Variants in SHISAL1 observed in about 807,000 individuals in gnomAD.
SHISAL1 encodes shisa like 1, also known as protein shisa-like-1.
A neutral mutation model predicts 22.6 loss-of-function variants in SHISAL1; 9 were observed. The observed-to-expected ratio is 0.40, with a 90% CI of 0.24 to 0.70. The LOEUF is 0.70. SHISAL1 is among the 30% of genes least tolerant of loss of function. The pLI, the probability that SHISAL1 is intolerant of heterozygous loss-of-function variation, is 0.39. For synonymous variants in SHISAL1, 119 were observed against 115.4 expected (o/e 1.03, Z -0.20); for missense variants, 246 against 270.6 (o/e 0.91, Z 0.64).
At position 44,305,857 on chromosome 22, in the gene SHISAL1, A is replaced by G. The variant is rs12170348; in HGVS notation, c.-32-4880T>C. Among the ~76,000 whole-genome samples the G allele has an allele frequency of 2.6e-3, 397 of 151,808 alleles. 3 individuals are homozygous for G. Among genetic ancestry groups the G allele is most frequent in the African/African-American group, 7.1e-3 (293 of 41,368 alleles). On this transcript the variant is annotated intron_variant, in intron 1 of 4. Coordinates refer to ENST00000381176, the MANE Select transcript of SHISAL1 (RefSeq NM_001099294.2). Reference sequence around the variant, plus strand: ...CAAAAGCCCCAGGGGCGTGTGGGGAACTCTGGATGAAGGGGTCTGGGGGAT... The same window carrying G: ...CAAAAGCCCCAGGGGCGTGTGGGGAGCTCTGGATGAAGGGGTCTGGGGGAT...
chr22:44,308,602 ACT>A (rs554210676), intron 1 of SHISAL1, among the ~76,000 whole-genome samples: 82 of 151,444 alleles, frequency 5.4e-4, no homozygotes, highest in African/African-American at 2.0e-3. Flanking sequence ...AGCTTCTGAC[ACT>A]CTGACTTCCC....
rs868386000 is a variant in SHISAL1, at chr22:44,297,935, A to G, written c.68-1050T>C. On this transcript the variant is annotated intron_variant, in intron 2 of 4. Transcript: ENST00000381176. ...GAGGTTATTAGACTGCAGCCCACAC[A>G]GCTCCCCACCTACCCACCCGGGGCT... 3.2e-4 allele frequency among the ~76,000 whole-genome samples: 48 copies of G among 152,330 alleles called. 2 individuals are homozygous for G. Among genetic ancestry groups the G allele is most frequent in the Middle Eastern group, 6.8e-3 (2 of 294 alleles).
At chr22:44,316,772 C>T (rs1234474195), upstream of SHISAL1, among the ~76,000 whole-genome samples, 2 of 152,214 alleles carry the variant, frequency 1.3e-5, no homozygotes, top group Middle Eastern at 3.2e-3. Flanking sequence ...CCAGCACCTG[C>T]AAGTCTGAGA....
At chr22:44,251,625 A>G (rs1373512571) in intron 4 of SHISAL1, among the ~76,000 whole-genome samples, 1 of 152,214 alleles carries the variant, frequency 6.6e-6, no homozygotes. Flanking sequence ...AAGGAGGAGC[A>G]AGTCACATCT....
chr22:44,254,090 C>T (rs937803659), intron 4 of SHISAL1, among the ~76,000 whole-genome samples: 3 of 151,910 alleles, frequency 2.0e-5, no homozygotes, highest in Middle Eastern at 3.2e-3. Context: ...AAAATAAAAA[C>T]TGCAGAATAT....
the SHISAL1 span, among the ~76,000 whole-genome samples, chr22:44,319,872 A>G: frequency 6.6e-6 from 1 of 152,098 alleles, no homozygotes; most frequent in African/African-American, 2.4e-5. Flanking sequence ...TCAGTGTGGG[A>G]GGCCCCTAAA....
intron 4 of SHISAL1, among the ~76,000 whole-genome samples, chr22:44,269,981 C>A (rs1424634594): frequency 1.3e-5 from 2 of 152,198 alleles, no homozygotes; most frequent in Non-Finnish European, 2.9e-5. Flanking sequence ...CTCCAACATC[C>A]AATTCCTTTG....
chr22:44,276,992 C>T (rs2055244511), intron 4 of SHISAL1, among the ~76,000 whole-genome samples: 1 of 152,152 alleles, frequency 6.6e-6, no homozygotes, highest in Non-Finnish European at 1.5e-5. Flanking sequence ...TCCCCTCAGC[C>T]CCTCCCTCCT....
chr22:44,327,246 A>ACG, the SHISAL1 span, among the ~76,000 whole-genome samples: 2 of 40,410 alleles, frequency 4.9e-5, no homozygotes, highest in Middle Eastern at 0.026. Flanking sequence ...GCGCGCACAC[A>ACG]CACACACACA....
chr22:44,296,059 G>T (rs748195614), intron 3 of SHISAL1, among the ~76,000 whole-genome samples: 2 of 152,212 alleles, frequency 1.3e-5, no homozygotes, highest in Non-Finnish European at 2.9e-5. Flanking sequence ...AGGCCCAGGC[G>T]CCTTCTACGC....
rs537956329 is a variant in SHISAL1 at position 44,307,730 on chromosome 22, A to C, written c.-33+5021T>G. Among the ~76,000 whole-genome samples the C allele has an allele frequency of 3.3e-5, 5 of 152,298 alleles. No homozygotes were observed. In the East Asian group the frequency reaches 9.7e-4, roughly 29 times the overall value. ...TCCGAGATTTGAAGGTTATTTTTAA[A>C]CACCGAACTTGGCGAGGCTGGGGAA... On this transcript the variant is annotated intron_variant, in intron 1 of 4. Transcript: ENST00000381176.
rs941533472 is a variant in SHISAL1, at chr22:44,259,932, A to G, written c.*-10247T>C. On this transcript the variant is annotated intron_variant, in intron 4 of 4. Coordinates refer to ENST00000381176, the MANE Select transcript of SHISAL1 (RefSeq NM_001099294.2). ...CTGCACTGCAAGCATATCTAACTACAGGTCGATTTGTTTAGAAATTCTCAG... is the reference window on the plus strand; with the variant it reads ...CTGCACTGCAAGCATATCTAACTACGGGTCGATTTGTTTAGAAATTCTCAG... 8.5e-5 allele frequency among the ~76,000 whole-genome samples: 13 copies of G among 152,314 alleles called. 1 individual carries two copies. The highest frequency in any genetic ancestry group is 4.6e-4 in the Admixed American group (7 of 15,300).
chr22:44,285,382 A>T (rs776273229), intron 4 of SHISAL1, 46 bp downstream of exon 4: 5 of 1,593,424 alleles, frequency 3.1e-6, no homozygotes, highest in Non-Finnish European at 4.3e-6. Flanking sequence ...AAGCTCTCCA[A>T]AGACAATGAC....
chr22:44,318,921 T>C, the SHISAL1 span, among the ~76,000 whole-genome samples: 1 of 152,248 alleles, frequency 6.6e-6, no homozygotes, highest in Non-Finnish European at 1.5e-5. Context: ...CTTCCCAGCA[T>C]GGGGCTCCCT....
chr22:44,264,003 C>T (rs2055144688), intron 4 of SHISAL1, among the ~76,000 whole-genome samples: 1 of 152,198 alleles, frequency 6.6e-6, no homozygotes, highest in Non-Finnish European at 1.5e-5. Context: ...TTCATAGCAG[C>T]TTTACTGATG....
At chr22:44,329,184 C>G in the SHISAL1 span, among the ~76,000 whole-genome samples, 1 of 152,176 alleles carries the variant, frequency 6.6e-6, no homozygotes, top group African/African-American at 2.4e-5. Flanking sequence ...CAAGGGTGAG[C>G]CGAGGCCCTT....
chr22:44,278,350 T>A (rs1351741801), intron 4 of SHISAL1, among the ~76,000 whole-genome samples: 2 of 152,232 alleles, frequency 1.3e-5, no homozygotes, highest in Non-Finnish European at 2.9e-5. Context: ...TGTGATCGTG[T>A]GAGTTACTAC....
chr22:44,276,416 G>A (rs2147284048), intron 4 of SHISAL1, among the ~76,000 whole-genome samples: 1 of 152,144 alleles, frequency 6.6e-6, no homozygotes, highest in African/African-American at 2.4e-5. Context: ...TGTGAAGGAG[G>A]CCATCGGCGG....
intron 4 of SHISAL1, among the ~76,000 whole-genome samples, chr22:44,252,238 A>C (rs992985147): frequency 6.6e-6 from 1 of 152,172 alleles, no homozygotes; most frequent in Non-Finnish European, 1.5e-5. Flanking sequence ...TTAGAAGTTT[A>C]AAATTAGAGG....
Sources: allele counts gnomAD v4.1 joint callset (sites outside exome capture counted in the v4.1 genomes callset), GRCh38; gene constraint gnomAD v4.1.1; transcripts MANE v1.5; gene names NCBI Gene and HGNC (gene_info 2026-07-23, HGNC 2026-07-21).